SEL1L2: variants seen among roughly 807,000 people sequenced by gnomAD.
The protein encoded by SEL1L2 is SEL1L2 adaptor subunit of SYVN1 ubiquitin ligase.
Under a neutral mutation model 98.8 loss-of-function variants are expected in SEL1L2, and 89 were observed. The ratio of observed to expected loss-of-function variants is 0.90; its 90% CI spans 0.76 to 1.07. SEL1L2 has a LOEUF of 1.07. SEL1L2 is among the 50% of genes least tolerant of loss of function. The pLI is 0.00. For synonymous variants in SEL1L2, 262 were observed against 278.5 expected, an observed-to-expected ratio of 0.94 and a Z score of 0.59; for missense variants, 788 against 812.0, an observed-to-expected ratio of 0.97 and a Z score of 0.36.
chr20:13,973,679 AC>A (rs1176702764), intron 1 of SEL1L2, among the ~76,000 whole-genome samples: 1 of 152,182 alleles, frequency 6.6e-6, no homozygotes, highest in East Asian at 1.9e-4. Flanking sequence ...CTTATTTTTG[AC>A]TATCTACTGC....
chr20:13,972,006 T>C (rs1313708600), intron 1 of SEL1L2, among the ~76,000 whole-genome samples: 1 of 152,162 alleles, frequency 6.6e-6, no homozygotes, highest in African/African-American at 2.4e-5. Context: ...TATTTATAAT[T>C]GCATATTTTA....
In SEL1L2 at chr20:13,881,329, T is replaced by C. The variant is rs557416459; in HGVS notation, c.958-3741A>G. On this transcript the variant is annotated intron_variant, in intron 10 of 19. Coordinates refer to ENST00000284951, the MANE Select transcript of SEL1L2 (RefSeq NM_025229.2). The stretch of plus-strand genomic sequence containing the variant: ...GCCTGGCCTGAATACTTCTTTTATC[T>C]CTTGCTCTGTAGAACATCCTGAGAA... 2.0e-4 allele frequency among the ~76,000 whole-genome samples: 30 copies of C among 152,298 alleles called. No individual in the cohort carries two copies. In the South Asian group the frequency reaches 5.8e-3, roughly 29 times the overall value.
chr20:13,908,766 C>T (rs1207486999), intron 5 of SEL1L2, among the ~76,000 whole-genome samples: 1 of 152,104 alleles, frequency 6.6e-6, no homozygotes, highest in Admixed American at 6.5e-5. Context: ...TGTTTATAAC[C>T]TTAATTGCTT....
At chr20:13,850,354 C>A in intron 18 of SEL1L2, 35 bp from the exon 19 acceptor site, 1 of 1,610,976 alleles carries the variant, frequency 6.2e-7, no homozygotes. Flanking sequence ...CCATCAGATT[C>A]TGTAGGGGTA....
chr20:13,881,439 C>T (rs927185131), intron 10 of SEL1L2, among the ~76,000 whole-genome samples: 2 of 152,136 alleles, frequency 1.3e-5, no homozygotes, highest in Non-Finnish European at 2.9e-5. Flanking sequence ...GATATTATTC[C>T]TCTGCTAGGT....
At chr20:13,933,247 A>T (rs943712465) in intron 2 of SEL1L2, among the ~76,000 whole-genome samples, 1 of 152,174 alleles carries the variant, frequency 6.6e-6, no homozygotes, top group African/African-American at 2.4e-5. Flanking sequence ...AAACAGCTTT[A>T]ATGAGATATA....
At chr20:13,908,771 T>A (rs1311195151) in intron 5 of SEL1L2, among the ~76,000 whole-genome samples, 1 of 152,220 alleles carries the variant, frequency 6.6e-6, no homozygotes, top group Non-Finnish European at 1.5e-5. Context: ...ATAACCTTAA[T>A]TGCTTTTGTT....
At chr20:13,864,120 G>T (rs1435552542) in intron 17 of SEL1L2, among the ~76,000 whole-genome samples, 1 of 152,028 alleles carries the variant, frequency 6.6e-6, no homozygotes, top group Non-Finnish European at 1.5e-5. Flanking sequence ...GAGCTGACTG[G>T]CCATGGCTGA....
intron 3 of SEL1L2, among the ~76,000 whole-genome samples, chr20:13,919,924 C>CA (rs10655831): frequency 0.078 from 10,139 of 129,996 alleles, 541 homozygotes; most frequent in African/African-American, 0.12. Context: ...GACTCCGTCT[C>CA]AAAAAAAAAA....
rs529507540 is a variant in SEL1L2, at chr20:13,872,515, C to T, written c.1105-2312G>A. Among the ~76,000 whole-genome samples, 7 of 152,272 alleles carry T rather than the reference C, an allele frequency of 4.6e-5. No individual in the cohort carries two copies. In the South Asian group the frequency reaches 1.5e-3, roughly 32 times the overall value. On this transcript the variant is annotated intron_variant, in intron 12 of 19. Transcript: ENST00000284951. ...ATTTTCTGAGGCCTCCCCAGCAATG[C>T]TGAACTGTGAGCCAATTAAATCTCT...
Position 13,849,517 on chromosome 20 carries a change from G to C in SEL1L2, c.2035C>G (p.Leu679Val). ...TGGTGATTTCTAAGCAACAAAATCA[G>C]CCCAGGAACAATGAGGCCAATCACA... is the stretch of plus-strand genomic sequence containing the variant. ...LFVIGLIVPGLILLLRNHHG is the reference protein window; with the variant it reads ...LFVIGLIVPGVILLLRNHHG The change falls in exon 20 of 20, where the codon CTG becomes GTG. Residue 679 changes from leucine (L) to valine (V), a missense_variant. Coordinates refer to ENST00000284951, the MANE Select transcript of SEL1L2 (RefSeq NM_025229.2). 4.3e-6 allele frequency: 7 copies of C among 1,614,060 alleles called. No individual in the cohort carries two copies. The highest frequency in any genetic ancestry group is 5.1e-6 in the Non-Finnish European group (6 of 1,179,958).
intron 1 of SEL1L2, among the ~76,000 whole-genome samples, chr20:13,961,811 T>C (rs6042459): frequency 0.74 from 113,291 of 152,074 alleles, 43,378 homozygotes; most frequent in South Asian, 0.84. Context: ...ATTGCCTGTC[T>C]CTGTAGTAGA....
chr20:13,931,652 T>G lies in SEL1L2; in HGVS notation c.234A>C (p.Arg78Ser), dbSNP rs767638032. 1 of 1,498,314 alleles carries G rather than the reference T, an allele frequency of 6.7e-7. No homozygotes were observed. The highest frequency in any genetic ancestry group is 1.2e-5 in the South Asian group (1 of 82,210). 92.8% of individuals were successfully genotyped at this position (1,498,314 alleles called of 1,614,324 possible). ...LEKKKNQRKI[R>S]IKGIQNKDIL... ...TATCTTTATTTTGAATTCCTTTTAT[T>G]CTTATTTTACGTTGATTCTTCTTTT... The change falls in exon 3 of 20, where the codon AGA (arginine) becomes AGC (serine). Residue 78 changes from arginine (R) to serine (S), a missense_variant. Coordinates refer to ENST00000284951, the MANE Select transcript of SEL1L2 (RefSeq NM_025229.2).
At chr20:13,882,239 T>A (rs1027288603) in intron 10 of SEL1L2, among the ~76,000 whole-genome samples, 6 of 152,206 alleles carry the variant, frequency 3.9e-5, no homozygotes, top group Non-Finnish European at 7.4e-5. Context: ...TATCTTTGTA[T>A]CTTCCCTCTC....
At chr20:13,924,610 AG>A (rs1373334986) in intron 3 of SEL1L2, among the ~76,000 whole-genome samples, 4 of 151,576 alleles carry the variant, frequency 2.6e-5, no homozygotes, top group Non-Finnish European at 5.9e-5. Flanking sequence ...TTTTTCATAG[AG>A]ACAGACTCTC....
intron 3 of SEL1L2, among the ~76,000 whole-genome samples, chr20:13,921,382 G>T (rs773767366): frequency 6.6e-6 from 1 of 152,164 alleles, no homozygotes; most frequent in African/African-American, 2.4e-5. Flanking sequence ...ATGCTGGCCT[G>T]GCTGGCCTCG....
At position 13,931,614 on chromosome 20, in the gene SEL1L2, T is replaced by C; in HGVS notation, c.272A>G (p.Asn91Ser). The change falls in exon 3 of 20, where the codon AAT (asparagine) becomes AGT (serine). Residue 91 changes from asparagine (N) to serine (S), a missense_variant. Asn to Ser is a conservative substitution (Grantham distance 46). Transcript: ENST00000284951. ...GATATTCTACTTACAATGATTCTTA[T>C]TTCTCTTCAAGATATCTTTATTTTG... ...GIQNKDILKRNKNHLQKQAEK... is the reference protein window; with the variant it reads ...GIQNKDILKRSKNHLQKQAEK... The C allele has an allele frequency of 7.2e-7, 1 of 1,391,608 alleles. No individual in the cohort carries two copies. Among genetic ancestry groups the C allele is most frequent in the Non-Finnish European group, 9.8e-7 (1 of 1,020,036 alleles). 86.2% of individuals were successfully genotyped at this position (1,391,608 alleles called of 1,614,324 possible).
At chr20:13,882,508 G>C (rs529270071) in intron 10 of SEL1L2, among the ~76,000 whole-genome samples, 1 of 152,260 alleles carries the variant, frequency 6.6e-6, no homozygotes. Context: ...GGAAAGCTTG[G>C]GCCAGTTGGC....
At chr20:13,852,120 C>T (rs759177714) in intron 18 of SEL1L2, among the ~76,000 whole-genome samples, 2 of 152,174 alleles carry the variant, frequency 1.3e-5, no homozygotes, top group African/African-American at 2.4e-5. Context: ...TCATGCTGCA[C>T]ACGTGAAAGA....
Sources: allele counts gnomAD v4.1 joint callset (sites outside exome capture counted in the v4.1 genomes callset), GRCh38; gene constraint gnomAD v4.1.1; transcripts MANE v1.5; gene names NCBI Gene and HGNC (gene_info 2026-07-23, HGNC 2026-07-21).